The following TJP1 variants were observed in gnomAD, a reference collection of about 807,000 sequenced individuals.
TJP1 encodes tight junction protein ZO-1.
In TJP1, 43 loss-of-function variants were observed where a neutral mutation model predicts 194.2. That is an observed-to-expected ratio of 0.22 (90% CI 0.17 to 0.29). The LOEUF is 0.29. Ranked by LOEUF, TJP1 falls within the 10% of genes least tolerant of loss-of-function variation. TJP1 has a pLI of 1.00. For missense variants in TJP1, 1,971 were observed against 2,185.7 expected, an observed-to-expected ratio of 0.90 and a Z score of 1.96; for synonymous variants, 801 against 779.0, an observed-to-expected ratio of 1.03 and a Z score of -0.47.
intron 8 of TJP1, among the ~76,000 whole-genome samples, chr15:29,754,124 A>T (rs925758168): frequency 6.6e-6 from 1 of 152,232 alleles, no homozygotes; most frequent in Admixed American, 6.5e-5. Flanking sequence ...CATGGAGTCA[A>T]CCTATATGCC....
Position 29,858,284 on chromosome 15 carries a change from C to T in TJP1, c.307-57582G>A, listed in dbSNP as rs139105492. On this transcript the variant is annotated intron_variant, in intron 2 of 28. Transcript: ENST00000356107. ...GATGTGGTGGTGCATGCCTATGGTCCCAGCTACTCAGGAGGCTGAGGTGGG... is the reference window on the plus strand; with the variant it reads ...GATGTGGTGGTGCATGCCTATGGTCTCAGCTACTCAGGAGGCTGAGGTGGG... 3.4e-3 allele frequency among the ~76,000 whole-genome samples: 511 copies of T among 152,152 alleles called. 5 individuals are homozygous for T. Among genetic ancestry groups the T allele is most frequent in the African/African-American group, 0.012 (488 of 41,520 alleles).
chr15:29,887,837 A>G (rs1460062630), intron 2 of TJP1, among the ~76,000 whole-genome samples: 2 of 152,238 alleles, frequency 1.3e-5, no homozygotes, highest in Non-Finnish European at 2.9e-5. Context: ...ACATTTGTAT[A>G]AGATTTTTGG....
At chr15:29,930,608 TACAGCAA>T (rs1326290917) in intron 2 of TJP1, among the ~76,000 whole-genome samples, 4,540 of 144,254 alleles carry the variant, frequency 0.031, 202 homozygotes, top group African/African-American at 0.1. Context: ...TACAAAAACA[TACAGCAA>T]ATATCATACT....
At chr15:29,703,463 C>A (rs2041687338) in intron 27 of TJP1, among the ~76,000 whole-genome samples, 1 of 151,544 alleles carries the variant, frequency 6.6e-6, no homozygotes, top group Non-Finnish European at 1.5e-5. Context: ...AACAAACAAA[C>A]AAAAAATAAA....
At chr15:29,839,963 T>C (rs2051164996) in intron 2 of TJP1, among the ~76,000 whole-genome samples, 1 of 152,200 alleles carries the variant, frequency 6.6e-6, no homozygotes, top group South Asian at 2.1e-4. Flanking sequence ...AATGATACCT[T>C]GTGGTTTTAT....
At chr15:29,968,563 C>A in intron 1 of TJP1, 1 of 823,544 alleles carries the variant, frequency 1.2e-6, no homozygotes, top group Non-Finnish European at 1.5e-6. Context: ...CGCGGCCTCG[C>A]CCCCCGCCCG....
In TJP1 at chr15:29,894,935, C is replaced by T. The variant is rs531848309; in HGVS notation, c.306+61297G>A. ...ACCTGGGGTAGCTGAGGATCCCTGC[C>T]CTAGAATGTGGAGAGCAGAGCTTTG... On this transcript the variant is annotated intron_variant, in intron 2 of 28. Coordinates refer to the TJP1 transcript ENST00000356107. Among the ~76,000 whole-genome samples, 554 of 152,304 alleles carry T rather than the reference C, an allele frequency of 3.6e-3. 4 individuals carry two copies. Among genetic ancestry groups the T allele is most frequent in the Non-Finnish European group, 5.6e-3 (381 of 68,032 alleles).
chr15:29,737,448 A>T (rs747021533), intron 10 of TJP1, 34 bp from the exon 11 acceptor site: 1 of 1,612,842 alleles, frequency 6.2e-7, no homozygotes. Context: ...GAAACAGTTA[A>T]GAAGAGCTTA....
At position 29,758,454 on chromosome 15, in the gene TJP1, A is replaced by C. The variant is rs142355077; in HGVS notation, c.1010+2685T>G. ...TAGGGGGGAAAAACCCTCCACTTTT[A>C]AGTTAAGGTTACAGATTCTAAGTGC... On this transcript the variant is annotated intron_variant, in intron 8 of 27. Coordinates refer to ENST00000614355, the MANE Select transcript of TJP1 (RefSeq NM_001330239.4). Among the ~76,000 whole-genome samples, 479 of 152,290 alleles carry C rather than the reference A, an allele frequency of 3.1e-3. 6 individuals are homozygous for C. Among genetic ancestry groups the C allele is most frequent in the African/African-American group, 0.011 (462 of 41,550 alleles).
chr15:29,952,470 A>T (rs1006413703), intron 2 of TJP1, among the ~76,000 whole-genome samples: 2 of 152,152 alleles, frequency 1.3e-5, no homozygotes, highest in Non-Finnish European at 2.9e-5. Context: ...AAATGGCATC[A>T]TTCTGATGAT....
intron 2 of TJP1, among the ~76,000 whole-genome samples, chr15:29,850,538 T>C (rs2051600954): frequency 6.6e-6 from 1 of 151,968 alleles, no homozygotes; most frequent in Non-Finnish European, 1.5e-5. Flanking sequence ...GGTTTCATCA[T>C]GTTGGCCAGG....
At chr15:29,867,218 C>A (rs2052338632) in intron 2 of TJP1, among the ~76,000 whole-genome samples, 2 of 152,152 alleles carry the variant, frequency 1.3e-5, no homozygotes, top group South Asian at 4.1e-4. Flanking sequence ...GAGACTCAGA[C>A]CAGACATGCT....
At chr15:29,858,321 A>G (rs1323131789) in intron 2 of TJP1, among the ~76,000 whole-genome samples, 1 of 151,934 alleles carries the variant, frequency 6.6e-6, no homozygotes, top group Non-Finnish European at 1.5e-5. Context: ...GGATAGCTTG[A>G]GCCCAGGAGG....
intron 2 of TJP1, among the ~76,000 whole-genome samples, chr15:29,781,717 C>T (rs577719300): frequency 2.0e-5 from 3 of 152,276 alleles, no homozygotes; most frequent in Non-Finnish European, 4.4e-5. Context: ...ACAAAAACCA[C>T]GTGATTATCT....
intron 24 of TJP1, among the ~76,000 whole-genome samples, chr15:29,710,141 C>A (rs2042149113): frequency 6.6e-6 from 1 of 150,608 alleles, no homozygotes; most frequent in Admixed American, 6.6e-5. Context: ...AAGGCTTCGT[C>A]TCAAAAAGAG....
intron 2 of TJP1, among the ~76,000 whole-genome samples, chr15:29,843,419 C>T (rs1449830818): frequency 6.6e-6 from 1 of 152,102 alleles, no homozygotes; most frequent in African/African-American, 2.4e-5. Context: ...GAACTCCCAA[C>T]CTCAGGTGAT....
At chr15:29,965,186 C>CATACATTT (rs1480553372) in intron 1 of TJP1, among the ~76,000 whole-genome samples, 2 of 148,290 alleles carry the variant, frequency 1.3e-5, no homozygotes, top group Non-Finnish European at 3.0e-5. Flanking sequence ...TACATCCTCA[C>CATACATTT]ATTTATTTAT....
intron 8 of TJP1, among the ~76,000 whole-genome samples, chr15:29,747,302 A>G (rs1472096229): frequency 6.6e-6 from 1 of 152,174 alleles, no homozygotes; most frequent in Non-Finnish European, 1.5e-5. Context: ...AAATAAATAA[A>G]TACAATAAAT....
At chr15:29,761,073 C>T in intron 8 of TJP1, 66 bp downstream of exon 8, 1 of 1,440,050 alleles carries the variant, frequency 6.9e-7, no homozygotes, top group Non-Finnish European at 9.2e-7. Context: ...TATTTGTAAG[C>T]AATTTCAGAT....
Sources: gnomAD v4.1 joint callset for allele counts (sites outside exome capture counted in the v4.1 genomes callset) on GRCh38, gnomAD v4.1.1 for gene constraint, MANE v1.5 for transcripts, NCBI Gene and HGNC (gene_info 2026-07-23, HGNC 2026-07-21) for gene names.